The following ELANE variants were observed in gnomAD, a reference collection of about 807,000 sequenced individuals.
ELANE encodes elastase, neutrophil expressed, also known as neutrophil elastase.
Under a neutral mutation model 20.6 loss-of-function variants are expected in ELANE, and 12 were observed. That is an observed-to-expected ratio of 0.58 (90% CI 0.37 to 0.94). The LOEUF is 0.94. Ranked by LOEUF, ELANE falls within the 40% of genes least tolerant of loss-of-function variation. The probability of loss-of-function intolerance (pLI) is 0.01; values close to 1 mark genes in which losing one functional copy is unlikely to be tolerated. For synonymous variants in ELANE, 203 were observed against 177.4 expected (o/e 1.14, Z -1.15); for missense variants, 388 against 395.2 (o/e 0.98, Z 0.15).
intron 1 of ELANE, 104 bp from the exon 2 acceptor site, chr19:852,771 GT>G: frequency 6.8e-7 from 1 of 1,463,140 alleles, no homozygotes; most frequent in Non-Finnish European, 9.1e-7. Context: ...TGGGTTCCCG[GT>G]GGGGGATCCC....
At position 855,581 on chromosome 19, in the gene ELANE, C is replaced by T. The variant is rs746239180; in HGVS notation, c.384C>T (p.Thr128=). 6.2e-7 allele frequency: 1 copy of T among 1,600,020 alleles called. No homozygotes were observed. The highest frequency in any genetic ancestry group is 8.5e-7 in the Non-Finnish European group (1 of 1,179,784). ...CGCCACAGCTCAACGGGTCGGCCAC[C>T]ATCAACGCCAACGTGCAGGTGGCCC... The part of the protein sequence containing the change: ...IVILQLNGSA[T]INANVQVAQL... The change falls in exon 4 of 5, where the codon ACC becomes ACT. Residue 128 remains threonine, a synonymous_variant. Transcript: ENST00000263621. This position sits in a 1 kb window ranked among gnomAD's most constrained non-coding sequence, Gnocchi z 6.2.
rs1385803153 is a variant in ELANE, at chr19:855,369, C to T, written c.367-195C>T. ...AGGGACAACCTCCAACGCCCTGAGC[C>T]TTGGTGACGGCTCCCACTCTACAGA... On this transcript the variant is annotated intron_variant, in intron 3 of 4. Coordinates refer to ENST00000263621, the MANE Select transcript of ELANE (RefSeq NM_001972.4). This position sits in a 1 kb window ranked among gnomAD's most constrained non-coding sequence, Gnocchi z 6.2. 6.6e-6 allele frequency among the ~76,000 whole-genome samples: 1 copy of T among 152,192 alleles called. No individual in the cohort carries two copies. The highest frequency in any genetic ancestry group is 1.5e-5 in the Non-Finnish European group (1 of 68,040).
rs2035680173 is a variant in ELANE at position 856,207 on chromosome 19, T to TCCAGCATCTGGCA, written c.*45_*57dup. The TCCAGCATCTGGCA allele has an allele frequency of 1.9e-6, 3 of 1,596,578 alleles. No individual in the cohort carries two copies. The highest frequency in any genetic ancestry group is 2.6e-6 in the Non-Finnish European group (3 of 1,165,620). On this transcript the variant is annotated 3_prime_UTR_variant, in exon 5 of 5. Transcript: ENST00000263621. ...ACCTCAGCTGCCCACACCCACACTC[T>TCCAGCATCTGGCA]CCAGCATCTGGCACAATAAACATTC...
rs1023976349 is a variant in ELANE, at chr19:855,247, T to C, written c.367-317T>C. 6.6e-6 allele frequency among the ~76,000 whole-genome samples: 1 copy of C among 152,126 alleles called. No individual in the cohort carries two copies. Among genetic ancestry groups the C allele is most frequent in the Non-Finnish European group, 1.5e-5 (1 of 68,020 alleles). On this transcript the variant is annotated intron_variant, in intron 3 of 4. Transcript: ENST00000263621. This position sits in a 1 kb window ranked among gnomAD's most constrained non-coding sequence, Gnocchi z 6.2. ...CTCAAGTGATCCTCCTGCCTCGCCC[T>C]CCCAAAGTGCTGGGCTTACAAGCAT...
At chr19:854,850 A>G (rs1169624607) in intron 3 of ELANE, among the ~76,000 whole-genome samples, 1 of 147,906 alleles carries the variant, frequency 6.8e-6, no homozygotes, top group Non-Finnish European at 1.5e-5. Context: ...ATATATATAT[A>G]CACACATATA....
At chr19:853,152 C>T (rs2035621190) in intron 2 of ELANE, 110 bp from the exon 3 acceptor site, 14 of 1,464,344 alleles carry the variant, frequency 9.6e-6, no homozygotes, top group Non-Finnish European at 1.3e-5. Flanking sequence ...GCCCGCGGGG[C>T]CCCTCGAGCA....
rs886039350 is a variant in ELANE, at chr19:852,390, TG to T, written c.67+1del. On this transcript the variant is annotated frameshift_variant, in exon 1 of 5. Transcript: ENST00000263621. LOFTEE classifies it high-confidence loss of function. ...GCCTGTGTCCTGCCGGCCTTGCTGC[TG>T]GGGGGTGAGTTTTTGAGTCCAACCT... ...FLACVLPALL[L>X]GGTALASEIV... is the part of the protein sequence containing the mutation. 4 of 1,611,304 alleles carry T rather than the reference TG, an allele frequency of 2.5e-6. No homozygotes were observed. The highest frequency in any genetic ancestry group is 8.5e-7 in the Non-Finnish European group (1 of 1,179,782).
At position 852,317 on chromosome 19, in the gene ELANE, C is replaced by A. The variant is rs779309162; in HGVS notation, c.-12C>A. 1.2e-6 allele frequency: 2 copies of A among 1,607,266 alleles called. No homozygotes were observed. Among genetic ancestry groups the A allele is most frequent in the African/African-American group, 2.7e-5 (2 of 74,894 alleles). On this transcript the variant is annotated 5_prime_UTR_variant, in exon 1 of 5. Transcript: ENST00000263621. ...CACGGAGGGGCAGAGACCCCGGAGC[C>A]CCAGCCCCACCATGACCCTCGGCCG...
chr19:853,256 CG>C lies in ELANE; in HGVS notation c.225-4del, dbSNP rs761938801. The C allele has an allele frequency of 1.3e-6, 2 of 1,592,530 alleles. No individual in the cohort carries two copies. Among genetic ancestry groups the C allele is most frequent in the African/African-American group, 2.7e-5 (2 of 74,098 alleles). The stretch of plus-strand genomic sequence containing the variant: ...CCCCTGAGCCCCGCCTCTCCCTCCC[CG>C]GCAGAAACGTCCGCGCGGTGCGGGT... On this transcript the variant is annotated splice_region_variant and splice_polypyrimidine_tract_variant and intron_variant, in intron 2 of 4. Transcript: ENST00000263621.
At position 855,972 on chromosome 19, in the gene ELANE, C is replaced by T. The variant is rs769821271; in HGVS notation, c.612C>T (p.Ser204=). The T allele has an allele frequency of 1.2e-6, 2 of 1,613,266 alleles. No individual in the cohort carries two copies. The highest frequency in any genetic ancestry group is 1.7e-6 in the Non-Finnish European group (2 of 1,180,024). The stretch of plus-strand genomic sequence containing the variant: ...TGCCTCCACAGGGGGACTCCGGCAG[C>T]CCCTTGGTCTGCAACGGGCTAATCC... ...QAGVCFGDSG[S]PLVCNGLIHG... is the part of the protein sequence containing the mutation. Residue 204 remains serine, a synonymous_variant, in exon 5 of 5, where the codon AGC becomes AGT. Coordinates refer to ENST00000263621, the MANE Select transcript of ELANE (RefSeq NM_001972.4). The surrounding 1 kb of genome is among the most constrained non-coding windows in gnomAD (Gnocchi z 6.2).
chr19:853,253 C>A lies in ELANE; in HGVS notation c.225-9C>A. ...CCGCCCCTGAGCCCCGCCTCTCCCTCCCCGGCAGAAACGTCCGCGCGGTGC... is the reference window on the plus strand; with the variant it reads ...CCGCCCCTGAGCCCCGCCTCTCCCTACCCGGCAGAAACGTCCGCGCGGTGC... On this transcript the variant is annotated splice_polypyrimidine_tract_variant and intron_variant, in intron 2 of 4. Transcript: ENST00000263621. The A allele has an allele frequency of 6.3e-7, 1 of 1,590,372 alleles. No individual in the cohort carries two copies. Among genetic ancestry groups the A allele is most frequent in the Non-Finnish European group, 8.6e-7 (1 of 1,169,492 alleles).
At chr19:853,126 G>T (rs1019343411) in intron 2 of ELANE, 94 bp downstream of exon 2, 113 of 1,487,858 alleles carry the variant, frequency 7.6e-5, no homozygotes, top group Non-Finnish European at 9.5e-5. Context: ...TGCTGGCGGG[G>T]GGGGGTCCGT....
intron 3 of ELANE, among the ~76,000 whole-genome samples, chr19:854,506 T>G (rs1197214567): frequency 6.6e-6 from 1 of 150,708 alleles, no homozygotes; most frequent in Non-Finnish European, 1.5e-5. Flanking sequence ...CTCATAGCTC[T>G]CACCCAGTGC....
chr19:854,454 C>T (rs2035643208), intron 3 of ELANE, among the ~76,000 whole-genome samples: 1 of 151,166 alleles, frequency 6.6e-6, no homozygotes, highest in Non-Finnish European at 1.5e-5. Context: ...AGATTCCTCC[C>T]TGGGAAGGGT....
In ELANE at chr19:855,707, G is replaced by A; in HGVS notation, c.510G>A (p.Gln170=). 6.2e-7 allele frequency: 1 copy of A among 1,610,002 alleles called. No homozygotes were observed. The part of the protein sequence containing the change: ...GRNRGIASVL[Q]ELNVTVVTSL... ...ACCGTGGGATCGCCAGCGTCCTGCA[G>A]GAGCTCAACGTGACGGTGGTGACGT... The change falls in exon 4 of 5, where the codon CAG becomes CAA. Residue 170 remains glutamine (Q), a synonymous_variant. Transcript: ENST00000263621. This position sits in a 1 kb window ranked among gnomAD's most constrained non-coding sequence, Gnocchi z 6.2.
At position 852,942 on chromosome 19, in the gene ELANE, T is replaced by G. The variant is rs2145144064; in HGVS notation, c.134T>G (p.Val45Gly). 3.1e-6 allele frequency: 5 copies of G among 1,597,168 alleles called. No homozygotes were observed. The East Asian group carries it at 1.1e-4, about 36-fold the overall frequency. The change falls in exon 2 of 5, where the codon GTG becomes GGG. Residue 45 changes from valine (V) to glycine (G), a missense_variant. Physicochemically the swap from Val to Gly is moderately radical, Grantham distance 109 (BLOSUM62 -3). Coordinates refer to ENST00000263621, the MANE Select transcript of ELANE (RefSeq NM_001972.4). Reference sequence around the variant, plus strand: ...CGGCCCCACGCGTGGCCCTTCATGGTGTCCCTGCAGCTGCGCGGAGGCCAC... The same window carrying G: ...CGGCCCCACGCGTGGCCCTTCATGGGGTCCCTGCAGCTGCGCGGAGGCCAC... ...RARPHAWPFMVSLQLRGGHFC... is the reference protein window; with the variant it reads ...RARPHAWPFMGSLQLRGGHFC...
chr19:853,006 G>C lies in ELANE; in HGVS notation c.198G>C (p.Met66Ile). 6.4e-7 allele frequency: 1 copy of C among 1,573,434 alleles called. No individual in the cohort carries two copies. The highest frequency in any genetic ancestry group is 8.6e-7 in the Non-Finnish European group (1 of 1,166,834). Residue 66 changes from methionine to isoleucine, a missense_variant, in exon 2 of 5, where the codon ATG (methionine) becomes ATC (isoleucine). Around this residue, in one of 3 missense-constraint regions of ELANE, gnomAD observed 321 missense variants for 309.8 expected, o/e 1.04. Transcript: ENST00000263621. ...CCCTGATTGCGCCCAACTTCGTCAT[G>C]TCGGCCGCGCACTGCGTGGCGAATG... ...GATLIAPNFV[M>I]SAAHCVANVN...
chr19:855,519 C>T lies in ELANE; in HGVS notation c.367-45C>T. ...GGCCCGGAGAGGGGAGGGTCATCAT[C>T]ACTGCCCCGTGTGACGCGCTGACGA... On this transcript the variant is annotated intron_variant, in intron 3 of 4. Coordinates refer to ENST00000263621, the MANE Select transcript of ELANE (RefSeq NM_001972.4). The surrounding 1 kb of genome is among the most constrained non-coding windows in gnomAD (Gnocchi z 6.2). The T allele has an allele frequency of 6.3e-7, 1 of 1,581,716 alleles. No individual in the cohort carries two copies. The highest frequency in any genetic ancestry group is 8.6e-7 in the Non-Finnish European group (1 of 1,168,704).
chr19:855,346 G>A lies in ELANE; in HGVS notation c.367-218G>A, dbSNP rs986363160. 6.6e-6 allele frequency among the ~76,000 whole-genome samples: 1 copy of A among 152,076 alleles called. No individual in the cohort carries two copies. The highest frequency in any genetic ancestry group is 2.4e-5 in the African/African-American group (1 of 41,420). Reference sequence around the variant, plus strand: ...CTTCCTGCACTCAAGCCACATCCAGGGACAACCTCCAACGCCCTGAGCCTT... The same window carrying A: ...CTTCCTGCACTCAAGCCACATCCAGAGACAACCTCCAACGCCCTGAGCCTT... On this transcript the variant is annotated intron_variant, in intron 3 of 4. Coordinates refer to ENST00000263621, the MANE Select transcript of ELANE (RefSeq NM_001972.4). The surrounding 1 kb of genome is among the most constrained non-coding windows in gnomAD (Gnocchi z 6.2).
Sources: gnomAD v4.1 joint callset for allele counts (sites outside exome capture counted in the v4.1 genomes callset) on GRCh38, gnomAD v4.1.1 for gene constraint, gnomAD v4.1.1 regional missense constraint, Gnocchi (gnomAD v3.1) non-coding constraint, MANE v1.5 for transcripts, NCBI Gene and HGNC (gene_info 2026-07-23, HGNC 2026-07-21) for gene names.